The following FYB1 variants were observed in gnomAD, a reference collection of about 807,000 sequenced individuals.
The protein encoded by FYB1 is FYN binding protein 1, also known as FYN-binding protein 1.
FYB1 carries 41 observed loss-of-function variants against 94.1 expected under a neutral mutation model. The observed-to-expected ratio is 0.44, with a 90% CI of 0.34 to 0.57. FYB1 has a LOEUF of 0.57. Among genes scored for constraint, FYB1 ranks in the 20% least tolerant of loss-of-function variants. The pLI is 0.02. For synonymous variants in FYB1, 367 were observed against 353.2 expected, an observed-to-expected ratio of 1.04 and a Z score of -0.44; for missense variants, 1,050 against 976.8, an observed-to-expected ratio of 1.07 and a Z score of -1.00.
intron 3 of FYB1, among the ~76,000 whole-genome samples, chr5:39,141,801 T>C (rs1371360146): frequency 2.6e-5 from 4 of 151,534 alleles, no homozygotes; most frequent in Admixed American, 2.6e-4. Flanking sequence ...AAGCCTGGGA[T>C]GTGGAGGTTG....
At chr5:39,174,931 T>C (rs528115387) in intron 2 of FYB1, among the ~76,000 whole-genome samples, 2 of 152,308 alleles carry the variant, frequency 1.3e-5, no homozygotes, top group African/African-American at 4.8e-5. Context: ...GGAGACCTCT[T>C]CTCCCATAGA....
At chr5:39,124,323 C>A in intron 12 of FYB1, 45 bp from the exon 13 acceptor site, 7 of 1,403,240 alleles carry the variant, frequency 5.0e-6, no homozygotes, top group Non-Finnish European at 5.8e-6. Context: ...CTAACATGAA[C>A]ACAGAAATTG....
At position 39,143,422 on chromosome 5, in the gene FYB1, C is replaced by T. The variant is rs112407604; in HGVS notation, c.1293-2281G>A. Among the ~76,000 whole-genome samples, 17 of 146,682 alleles carry T rather than the reference C, an allele frequency of 1.2e-4. 1 individual carries two copies. The highest frequency in any genetic ancestry group is 3.8e-4 in the African/African-American group (14 of 36,984). On this transcript the variant is annotated intron_variant, in intron 3 of 18. Coordinates refer to ENST00000512982, the MANE Select transcript of FYB1 (RefSeq NM_001465.6). The stretch of plus-strand genomic sequence containing the variant: ...TCCCTCTTCCATTTCTCGTCTCTCC[C>T]GCTAGACACAAAAATAGGATTATAT...
intron 2 of FYB1, among the ~76,000 whole-genome samples, chr5:39,188,777 C>A (rs567563500): frequency 6.6e-6 from 1 of 152,162 alleles, no homozygotes; most frequent in South Asian, 2.1e-4. Flanking sequence ...AGGTAATCCG[C>A]CCGTCTCAGC....
intron 1 of FYB1, among the ~76,000 whole-genome samples, chr5:39,244,293 C>T (rs835178): frequency 0.16 from 24,425 of 151,952 alleles, 5,219 homozygotes; most frequent in African/African-American, 0.47. Context: ...ATAAATAGCC[C>T]GTATTGTTTT....
intron 1 of FYB1, among the ~76,000 whole-genome samples, chr5:39,266,418 G>A (rs16868511): frequency 0.091 from 13,803 of 152,238 alleles, 665 homozygotes; most frequent in Non-Finnish European, 0.11. Context: ...CCAGTGTCGT[G>A]TGTCCAATGC....
At chr5:39,118,152 C>G (rs1009435440) in intron 16 of FYB1, among the ~76,000 whole-genome samples, 11 of 152,160 alleles carry the variant, frequency 7.2e-5, no homozygotes, top group Non-Finnish European at 1.2e-4. Context: ...AATCATCCTG[C>G]CTCAGCCCCG....
intron 2 of FYB1, among the ~76,000 whole-genome samples, chr5:39,195,397 G>T (rs1472626410): frequency 1.3e-5 from 2 of 152,128 alleles, no homozygotes. Context: ...AAGGAGAATG[G>T]GGGGAAAAAG....
Position 39,201,979 on chromosome 5 carries a change from G to T in FYB1, c.982C>A (p.Gln328Lys), listed in dbSNP as rs74512678. ...TCTCCCTTTTCCTTTTCCTGACTTT[G>T]GCCCCATGGCCCCCCCACTGTCAGC... is the stretch of plus-strand genomic sequence containing the variant. ...SKLTVGGPWG[Q>K]SQEKEKGDKN... Residue 328 changes from glutamine (Q) to lysine (K), a missense_variant, in exon 2 of 19, where the codon CAA becomes AAA. Physicochemically the swap from Gln to Lys is moderately conservative, Grantham distance 53. Transcript: ENST00000512982. 1,373 of 1,613,956 alleles carry T rather than the reference G, an allele frequency of 8.5e-4. 34 individuals are homozygous for T. In the East Asian group the frequency reaches 0.03, roughly 35 times the overall value.
rs1749832945 is a variant in FYB1, at chr5:39,215,997, G to C, written c.-28+3446C>G. The stretch of plus-strand genomic sequence containing the variant: ...AGGAGAGGGCCATTTTACAAGAGAG[G>C]TAGAGGTTTTAGTGATGCAACCACA... On this transcript the variant is annotated intron_variant, in intron 1 of 18. Coordinates refer to ENST00000512982, the MANE Select transcript of FYB1 (RefSeq NM_001465.6). 3.3e-5 allele frequency among the ~76,000 whole-genome samples: 5 copies of C among 152,098 alleles called. No individual in the cohort carries two copies. In the South Asian group the frequency reaches 1.0e-3, roughly 32 times the overall value.
intron 1 of FYB1, among the ~76,000 whole-genome samples, chr5:39,244,632 T>C (rs1254484287): frequency 6.6e-6 from 1 of 152,206 alleles, no homozygotes; most frequent in Non-Finnish European, 1.5e-5. Flanking sequence ...CAGGCTTTGG[T>C]ATCAGTATGA....
chr5:39,241,859 T>G (rs578251020), intron 1 of FYB1, among the ~76,000 whole-genome samples: 1 of 152,264 alleles, frequency 6.6e-6, no homozygotes, highest in South Asian at 2.1e-4. Context: ...GAGGGCATCT[T>G]TTTAATAAAG....
intron 1 of FYB1, among the ~76,000 whole-genome samples, chr5:39,262,896 A>G (rs530035994): frequency 6.6e-6 from 1 of 152,354 alleles, no homozygotes; most frequent in Admixed American, 6.5e-5. Context: ...GCATAAAACC[A>G]TGGCTGGGAA....
intron 2 of FYB1, among the ~76,000 whole-genome samples, chr5:39,187,712 C>T (rs1300166689): frequency 6.6e-6 from 1 of 152,204 alleles, no homozygotes; most frequent in African/African-American, 2.4e-5. Flanking sequence ...GCTCCATCGC[C>T]ATTATGGCCT....
chr5:39,146,623 T>C (rs1254186691), intron 3 of FYB1, among the ~76,000 whole-genome samples: 2 of 152,182 alleles, frequency 1.3e-5, no homozygotes, highest in African/African-American at 4.8e-5. Flanking sequence ...AGCAATTTAC[T>C]TCCTAAAACA....
At chr5:39,170,293 A>G (rs1440355350) in intron 2 of FYB1, 4 of 1,393,396 alleles carry the variant, frequency 2.9e-6, no homozygotes, top group African/African-American at 1.5e-5. Flanking sequence ...TCAGTTTAAA[A>G]GATCTTCTGT....
intron 1 of FYB1, among the ~76,000 whole-genome samples, chr5:39,211,809 A>G (rs1335053744): frequency 2.6e-5 from 4 of 152,158 alleles, no homozygotes; most frequent in African/African-American, 4.8e-5. Context: ...ACAGACACAG[A>G]CACACGCTCC....
chr5:39,208,414 G>A (rs544198553), intron 1 of FYB1, among the ~76,000 whole-genome samples: 2 of 152,004 alleles, frequency 1.3e-5, no homozygotes, highest in South Asian at 4.1e-4. Context: ...TACCCAAATC[G>A]GTTTTTCAAA....
At chr5:39,196,958 A>G (rs1747889724) in intron 2 of FYB1, among the ~76,000 whole-genome samples, 1 of 152,252 alleles carries the variant, frequency 6.6e-6, no homozygotes, top group Admixed American at 6.5e-5. Flanking sequence ...CAAGTCCTCA[A>G]TAAATGATGA....
Sources: gnomAD v4.1 joint callset for allele counts (sites outside exome capture counted in the v4.1 genomes callset) on GRCh38, gnomAD v4.1.1 for gene constraint, MANE v1.5 for transcripts, NCBI Gene and HGNC (gene_info 2026-07-23, HGNC 2026-07-21) for gene names.